Variants in GRIK2 observed in about 807,000 individuals in gnomAD.
The protein encoded by GRIK2 is glutamate receptor ionotropic, kainate 2.
GRIK2 carries 32 observed loss-of-function variants against 100.3 expected under a neutral mutation model. That is an observed-to-expected ratio of 0.32 (90% CI 0.24 to 0.43). GRIK2 has a LOEUF of 0.43. Among genes scored for constraint, GRIK2 ranks in the 20% least tolerant of loss-of-function variants. GRIK2 has a pLI of 1.00. For synonymous variants in GRIK2, 417 were observed against 389.4 expected (o/e 1.07, Z -0.83); for missense variants, 843 against 1,114.9 (o/e 0.76, Z 3.47).
intron 7 of GRIK2, among the ~76,000 whole-genome samples, chr6:101,696,999 G>T (rs183412128): frequency 6.6e-6 from 1 of 151,872 alleles, no homozygotes; most frequent in African/African-American, 2.4e-5. Flanking sequence ...CTCATACATA[G>T]AGGTCACAAG....
intron 7 of GRIK2, among the ~76,000 whole-genome samples, chr6:101,742,601 C>T (rs1051145878): frequency 4.6e-5 from 7 of 151,972 alleles, no homozygotes; most frequent in South Asian, 2.1e-4. Flanking sequence ...TCCAGAAAGG[C>T]GGGACAATTT....
intron 16 of GRIK2, among the ~76,000 whole-genome samples, chr6:102,057,124 A>G (rs1771502608): frequency 6.6e-6 from 1 of 152,014 alleles, no homozygotes. Context: ...TTAATTTGTC[A>G]GTAAATGTGG....
chr6:102,005,444 G>A lies in GRIK2; in HGVS notation c.2086-29897G>A, dbSNP rs577016652. Among the ~76,000 whole-genome samples, 5 of 151,946 alleles carry A rather than the reference G, an allele frequency of 3.3e-5. No individual in the cohort carries two copies. In the South Asian group the frequency reaches 1.0e-3, roughly 32 times the overall value. Reference sequence around the variant, plus strand: ...ATGCCAGAGTCCAATCATTGAGCTCGGGATCTATGCCTAAGTGTGATTCTT... The same window carrying A: ...ATGCCAGAGTCCAATCATTGAGCTCAGGATCTATGCCTAAGTGTGATTCTT... On this transcript the variant is annotated intron_variant, in intron 14 of 16. Coordinates refer to ENST00000369134, the MANE Select transcript of GRIK2 (RefSeq NM_021956.5).
intron 7 of GRIK2, among the ~76,000 whole-genome samples, chr6:101,692,815 G>A (rs1772204541): frequency 6.6e-6 from 1 of 151,834 alleles, no homozygotes; most frequent in Non-Finnish European, 1.5e-5. Context: ...ACATTTTGGG[G>A]TCCATAATAT....
chr6:101,514,611 T>C (rs751937757), intron 2 of GRIK2, among the ~76,000 whole-genome samples: 5 of 152,132 alleles, frequency 3.3e-5, no homozygotes, highest in Admixed American at 6.6e-5. Context: ...CTAAACTATA[T>C]AGAAACACTG....
chr6:101,417,445 GAT>G (rs1776206404), intron 2 of GRIK2, among the ~76,000 whole-genome samples: 1 of 152,158 alleles, frequency 6.6e-6, no homozygotes, highest in Non-Finnish European at 1.5e-5. Context: ...ATTTGAATAA[GAT>G]AGAGATTCTA....
intron 10 of GRIK2, among the ~76,000 whole-genome samples, chr6:101,853,241 G>C (rs62419297): frequency 6.6e-6 from 1 of 152,086 alleles, no homozygotes; most frequent in Admixed American, 6.6e-5. Flanking sequence ...CCTCTTCTTA[G>C]CTATGTGACC....
chr6:102,010,425 C>T (rs1342896205), intron 14 of GRIK2, among the ~76,000 whole-genome samples: 2 of 151,344 alleles, frequency 1.3e-5, no homozygotes, highest in African/African-American at 2.4e-5. Flanking sequence ...ACTCTGTCGC[C>T]CAGGCTGAAG....
At chr6:101,420,957 T>C (rs1776383729) in intron 2 of GRIK2, among the ~76,000 whole-genome samples, 1 of 152,140 alleles carries the variant, frequency 6.6e-6, no homozygotes, top group South Asian at 2.1e-4. Context: ...GGGACTGGCG[T>C]GCAGGAAAAG....
chr6:101,466,628 T>C (rs939807113), intron 2 of GRIK2, among the ~76,000 whole-genome samples: 1 of 152,228 alleles, frequency 6.6e-6, no homozygotes, highest in Admixed American at 6.5e-5. Context: ...GTGTTCACAT[T>C]TGTCATGTAG....
At chr6:101,527,557 C>T (rs187325494) in intron 2 of GRIK2, among the ~76,000 whole-genome samples, 60 of 152,228 alleles carry the variant, frequency 3.9e-4, no homozygotes, top group African/African-American at 1.1e-3. Flanking sequence ...TTTTTATTTC[C>T]GAACATGTCA....
chr6:101,402,754 C>T (rs1361947855), intron 2 of GRIK2, among the ~76,000 whole-genome samples: 1 of 152,138 alleles, frequency 6.6e-6, no homozygotes, highest in South Asian at 2.1e-4. Context: ...GCAGAGCCTG[C>T]GACTCTCCCA....
At chr6:101,537,659 T>C (rs1208754708) in intron 2 of GRIK2, among the ~76,000 whole-genome samples, 1 of 151,850 alleles carries the variant, frequency 6.6e-6, no homozygotes, top group Non-Finnish European at 1.5e-5. Flanking sequence ...TATGAACTTA[T>C]GAGAACTATC....
chr6:101,577,231 T>G (rs139002029), intron 2 of GRIK2, among the ~76,000 whole-genome samples: 3 of 152,090 alleles, frequency 2.0e-5, no homozygotes, highest in Admixed American at 1.3e-4. Context: ...TAAAGAAAAC[T>G]AATTACTTGA....
intron 7 of GRIK2, among the ~76,000 whole-genome samples, chr6:101,758,986 T>C (rs1395855609): frequency 6.6e-6 from 1 of 152,196 alleles, no homozygotes; most frequent in Non-Finnish European, 1.5e-5. Context: ...TAAGTGAAAG[T>C]ATTTTGCATT....
At chr6:101,779,754 C>G (rs760805420) in intron 7 of GRIK2, among the ~76,000 whole-genome samples, 14 of 152,010 alleles carry the variant, frequency 9.2e-5, no homozygotes, top group Non-Finnish European at 1.5e-4. Context: ...TCTCTTCTAG[C>G]TTTCCATTAA....
chr6:101,570,754 C>A (rs1234205787), intron 2 of GRIK2, among the ~76,000 whole-genome samples: 1 of 152,112 alleles, frequency 6.6e-6, no homozygotes, highest in African/African-American at 2.4e-5. Flanking sequence ...TCCCTGTGGT[C>A]TCAGAAGAGT....
At chr6:101,602,863 A>T (rs1391699645) in intron 2 of GRIK2, among the ~76,000 whole-genome samples, 1 of 151,706 alleles carries the variant, frequency 6.6e-6, no homozygotes, top group Non-Finnish European at 1.5e-5. Context: ...GTCAACTTTT[A>T]TTTGAATTGT....
At chr6:101,926,649 G>A (rs985244507) in intron 13 of GRIK2, among the ~76,000 whole-genome samples, 4 of 152,018 alleles carry the variant, frequency 2.6e-5, no homozygotes, top group East Asian at 1.9e-4. Flanking sequence ...CATTTGCTTC[G>A]CCACATAACT....
Sources: gnomAD v4.1 joint callset for allele counts (sites outside exome capture counted in the v4.1 genomes callset) on GRCh38, gnomAD v4.1.1 for gene constraint, MANE v1.5 for transcripts, NCBI Gene and HGNC (gene_info 2026-07-23, HGNC 2026-07-21) for gene names.